The following ADAMTS12 variants were observed in gnomAD, a reference collection of about 807,000 sequenced individuals.
ADAMTS12 encodes A disintegrin and metalloproteinase with thrombospondin motifs 12.
A neutral mutation model predicts 167.8 loss-of-function variants in ADAMTS12; 118 were observed. The ratio of observed to expected loss-of-function variants is 0.70; its 90% CI spans 0.61 to 0.82. The LOEUF (loss-of-function observed/expected upper bound fraction) is 0.82. Among genes scored for constraint, ADAMTS12 ranks in the 40% least tolerant of loss-of-function variants. ADAMTS12 has a pLI of 0.00. For synonymous variants in ADAMTS12, 704 were observed against 716.9 expected (o/e 0.98, Z 0.29); for missense variants, 1,916 against 1,998.8 (o/e 0.96, Z 0.79).
At chr5:33,835,949 CTCTCTG>C (rs1270992581) in intron 2 of ADAMTS12, among the ~76,000 whole-genome samples, 45 of 42,328 alleles carry the variant, frequency 1.1e-3, no homozygotes, top group East Asian at 9.5e-3. Flanking sequence ...CTCTCTCTCT[CTCTCTG>C]TGTGTGTGTG....
At position 33,825,458 on chromosome 5, in the gene ADAMTS12, TGTAA is replaced by T. The variant is rs572651830; in HGVS notation, c.489+55657_489+55660del. Among the ~76,000 whole-genome samples, 27 of 152,206 alleles carry T rather than the reference TGTAA, an allele frequency of 1.8e-4. 1 individual carries two copies. The South Asian group carries it at 5.6e-3, about 32-fold the overall frequency. The stretch of plus-strand genomic sequence containing the variant: ...TAGTCAGTGGCCAAAGCTGGATGAG[TGTAA>T]GTAAGAGCTGCATGAATGTTGCAGA... On this transcript the variant is annotated intron_variant, in intron 2 of 23. Coordinates refer to ENST00000504830, the MANE Select transcript of ADAMTS12 (RefSeq NM_030955.4).
At chr5:33,626,309 A>G (rs2112128166) in intron 13 of ADAMTS12, among the ~76,000 whole-genome samples, 1 of 141,254 alleles carries the variant, frequency 7.1e-6, no homozygotes, top group Middle Eastern at 4.1e-3. Flanking sequence ...GCTGCGGGGT[A>G]ATGGTGGCAG....
At chr5:33,815,691 G>A (rs562468146) in intron 2 of ADAMTS12, among the ~76,000 whole-genome samples, 3 of 152,296 alleles carry the variant, frequency 2.0e-5, no homozygotes, top group Admixed American at 2.0e-4. Context: ...GATATCCTGG[G>A]GTCCTGGCAA....
Position 33,664,380 on chromosome 5 carries a change from A to G in ADAMTS12, c.916-2340T>C, listed in dbSNP as rs544509706. 2.0e-5 allele frequency among the ~76,000 whole-genome samples: 3 copies of G among 152,346 alleles called. No homozygotes were observed. The South Asian group carries it at 6.2e-4, about 32-fold the overall frequency. ...AATGTGACCCACCTAGATATGCCCA[A>G]CTGATTTTTGACAAAGGTAAAAAAG... On this transcript the variant is annotated intron_variant, in intron 5 of 23. Transcript: ENST00000504830.
intron 19 of ADAMTS12, among the ~76,000 whole-genome samples, chr5:33,564,890 G>A (rs1745935122): frequency 6.6e-6 from 1 of 152,204 alleles, no homozygotes; most frequent in Non-Finnish European, 1.5e-5. Context: ...GACATAAAGA[G>A]GAGAGGACAG....
chr5:33,691,255 T>C (rs952740996), intron 3 of ADAMTS12, among the ~76,000 whole-genome samples: 16 of 152,372 alleles, frequency 1.1e-4, no homozygotes, highest in Admixed American at 5.9e-4. Context: ...AGTACATGTT[T>C]ACAAAGCTTT....
chr5:33,684,360 A>T (rs1397008524), intron 3 of ADAMTS12, among the ~76,000 whole-genome samples: 1 of 152,144 alleles, frequency 6.6e-6, no homozygotes, highest in East Asian at 1.9e-4. Flanking sequence ...CCTCCTTTAA[A>T]TTATTTAGTG....
At chr5:33,655,124 T>G (rs375431517) in intron 7 of ADAMTS12, among the ~76,000 whole-genome samples, 1 of 152,144 alleles carries the variant, frequency 6.6e-6, no homozygotes, top group African/African-American at 2.4e-5. Flanking sequence ...AGTATGTATA[T>G]TCTATCTTCC....
chr5:33,624,423 T>C, intron 13 of ADAMTS12, 72 bp from the exon 14 acceptor site: 1 of 1,596,592 alleles, frequency 6.3e-7, no homozygotes, highest in Non-Finnish European at 8.5e-7. Context: ...TGTGACTTCT[T>C]CTTTCCCCTT....
intron 2 of ADAMTS12, among the ~76,000 whole-genome samples, chr5:33,754,428 G>A (rs1165843011): frequency 6.6e-6 from 1 of 152,204 alleles, no homozygotes; most frequent in Non-Finnish European, 1.5e-5. Flanking sequence ...GCTAAAGCTC[G>A]AAGATAAACA....
chr5:33,728,064 C>T (rs954217894), intron 3 of ADAMTS12, among the ~76,000 whole-genome samples: 2 of 152,134 alleles, frequency 1.3e-5, no homozygotes, highest in Non-Finnish European at 2.9e-5. Flanking sequence ...CAAAAATTGG[C>T]TCATACCCTG....
chr5:33,728,741 A>T (rs893066636), intron 3 of ADAMTS12, among the ~76,000 whole-genome samples: 18 of 152,366 alleles, frequency 1.2e-4, no homozygotes, highest in African/African-American at 4.3e-4. Context: ...GGAAAGGGGA[A>T]GGCCATCAGA....
rs1744958414 is a variant in ADAMTS12, at chr5:33,545,965, C to G, written c.4446+94G>C. 3 of 1,463,082 alleles carry G rather than the reference C, an allele frequency of 2.1e-6. No homozygotes were observed. In the East Asian group the frequency reaches 7.2e-5, roughly 35 times the overall value. 90.6% of individuals were successfully genotyped at this position (1,463,082 alleles called of 1,614,324 possible). A position where few individuals can be genotyped will look rare whatever the true frequency, so the allele number is the denominator to read the frequency against. On this transcript the variant is annotated intron_variant, in intron 22 of 23. Transcript: ENST00000504830. ...ACGTGGCACATGTATACCTATGTAA[C>G]AAACCTGCACGTTGTGCACAGGTAC...
Position 33,574,514 on chromosome 5 carries a change from G to A in ADAMTS12, c.3972+1540C>T, listed in dbSNP as rs377440445. On this transcript the variant is annotated intron_variant, in intron 19 of 23. Transcript: ENST00000504830. Reference sequence around the variant, plus strand: ...TCACAAGGACAAAAAACCAAACACCGCATGTTCTCACTCATAGATGGGAAT... The same window carrying A: ...TCACAAGGACAAAAAACCAAACACCACATGTTCTCACTCATAGATGGGAAT... Among the ~76,000 whole-genome samples the A allele has an allele frequency of 3.7e-4, 55 of 149,798 alleles. No homozygotes were observed. In the East Asian group the frequency reaches 8.5e-3, roughly 23 times the overall value.
Position 33,661,957 on chromosome 5 carries a change from G to A in ADAMTS12, c.999C>T (p.Asp333=). The A allele has an allele frequency of 6.2e-7, 1 of 1,613,450 alleles. No individual in the cohort carries two copies. Among genetic ancestry groups the A allele is most frequent in the Non-Finnish European group, 8.5e-7 (1 of 1,179,636 alleles). Residue 333 remains aspartate, a synonymous_variant, in exon 6 of 24, where the codon GAC becomes GAT. Coordinates refer to ENST00000504830, the MANE Select transcript of ADAMTS12 (RefSeq NM_030955.4). ...CCACGTCGTGATGAACAGGATTGAG[G>A]TCACTCTTGGGATTGATACTCTTCT... ...KWQKSINPKS[D]LNPVHHDVAV...
intron 18 of ADAMTS12, among the ~76,000 whole-genome samples, chr5:33,581,388 C>T (rs528678641): frequency 5.9e-5 from 9 of 152,258 alleles, no homozygotes; most frequent in South Asian, 2.1e-4. Context: ...GGCCTCTTGT[C>T]GGGGAACCCA....
chr5:33,788,392 C>T (rs777674251), intron 2 of ADAMTS12, among the ~76,000 whole-genome samples: 24 of 148,202 alleles, frequency 1.6e-4, no homozygotes, highest in Non-Finnish European at 2.5e-4. Flanking sequence ...CAAGAGGGAA[C>T]GAAAGAGGGG....
At chr5:33,605,528 G>T (rs1738390222) in intron 16 of ADAMTS12, among the ~76,000 whole-genome samples, 1 of 152,206 alleles carries the variant, frequency 6.6e-6, no homozygotes, top group African/African-American at 2.4e-5. Flanking sequence ...ATGCTGTGGT[G>T]AGGGTAAATT....
chr5:33,686,987 T>C (rs1742357859), intron 3 of ADAMTS12, among the ~76,000 whole-genome samples: 2 of 150,890 alleles, frequency 1.3e-5, no homozygotes, highest in Non-Finnish European at 3.0e-5. Context: ...GACTTGATCT[T>C]GGACTTCAAG....
Sources: allele counts gnomAD v4.1 joint callset (sites outside exome capture counted in the v4.1 genomes callset), GRCh38; gene constraint gnomAD v4.1.1; transcripts MANE v1.5; gene names NCBI Gene and HGNC (gene_info 2026-07-23, HGNC 2026-07-21).